Variants in CNBD2 observed in about 807,000 individuals in gnomAD.
The protein encoded by CNBD2 is cyclic nucleotide-binding domain-containing protein 2.
A neutral mutation model predicts 63.7 loss-of-function variants in CNBD2; 64 were observed. That is an observed-to-expected ratio of 1.00 (90% CI 0.82 to 1.24). CNBD2 has a LOEUF of 1.24. Among genes scored for constraint, CNBD2 ranks in the 50% most tolerant of loss-of-function variants. The pLI is 0.00. For missense variants in CNBD2, 691 were observed against 713.5 expected, an observed-to-expected ratio of 0.97 and a Z score of 0.36; for synonymous variants, 229 against 255.4, an observed-to-expected ratio of 0.90 and a Z score of 0.99.
intron 10 of CNBD2, among the ~76,000 whole-genome samples, chr20:36,018,907 T>C (rs2057170767): frequency 6.6e-6 from 1 of 152,214 alleles, no homozygotes; most frequent in South Asian, 2.1e-4. Flanking sequence ...AGGAGATTCA[T>C]CTGGGTGAGC....
chr20:35,997,359 A>G (rs991274716), intron 8 of CNBD2, among the ~76,000 whole-genome samples: 1 of 152,134 alleles, frequency 6.6e-6, no homozygotes, highest in African/African-American at 2.4e-5. Flanking sequence ...GGTGGCGAGG[A>G]GAAGGGCGGA....
chr20:35,995,443 AATTT>A (rs1323938109), intron 8 of CNBD2, among the ~76,000 whole-genome samples: 2 of 151,808 alleles, frequency 1.3e-5, no homozygotes, highest in African/African-American at 4.8e-5. Flanking sequence ...TGCTTTTTAA[AATTT>A]ATTTATTTAT....
chr20:36,003,803 G>A lies in CNBD2; in HGVS notation c.971-4494G>A, dbSNP rs111650620. ...CCTCTTATGAACCAGCTACTTGGGA[G>A]GCTGAGGCAGGAGGATCATTTGAGT... On this transcript the variant is annotated intron_variant, in intron 8 of 11. Transcript: ENST00000373973. Among the ~76,000 whole-genome samples, 156 of 151,950 alleles carry A rather than the reference G, an allele frequency of 1.0e-3. 1 individual carries two copies. Among genetic ancestry groups the A allele is most frequent in the Non-Finnish European group, 2.0e-3 (138 of 68,002 alleles).
At chr20:36,000,430 G>A (rs2056880461) in intron 8 of CNBD2, among the ~76,000 whole-genome samples, 1 of 152,134 alleles carries the variant, frequency 6.6e-6, no homozygotes, top group Non-Finnish European at 1.5e-5. Context: ...AGGCTGGAGT[G>A]CAATAGTGTA....
At chr20:35,985,651 AACTTTTTTGTATTT>A (rs2056657856) in intron 6 of CNBD2, among the ~76,000 whole-genome samples, 1 of 151,660 alleles carries the variant, frequency 6.6e-6, no homozygotes, top group Non-Finnish European at 1.5e-5. Flanking sequence ...ACTCCCAGCT[AACTTTTTTGTATTT>A]TTAGTAGAGA....
At chr20:35,962,191 G>C (rs1341551599) in intron 2 of CNBD2, among the ~76,000 whole-genome samples, 1 of 151,988 alleles carries the variant, frequency 6.6e-6, no homozygotes, top group Non-Finnish European at 1.5e-5. Flanking sequence ...ACCCAGAAAG[G>C]CTGGGAAGTT....
chr20:36,023,690 G>A lies in CNBD2; in HGVS notation c.1358G>A (p.Arg453Lys), dbSNP rs745604728. 2 of 1,613,680 alleles carry A rather than the reference G, an allele frequency of 1.2e-6. No individual in the cohort carries two copies. Among genetic ancestry groups the A allele is most frequent in the East Asian group, 4.5e-5 (2 of 44,874 alleles). The change falls in exon 11 of 12, where the codon AGG becomes AAG. Residue 453 changes from arginine (R) to lysine (K), a missense_variant. By Grantham distance (26) the Arg-to-Lys change is conservative (BLOSUM62 2). Transcript: ENST00000373973. ...CTGGGAAATGAGTTGATACGGATAAGGAAGGAAATATTTTATGAACTGATT... is the reference window on the plus strand; with the variant it reads ...CTGGGAAATGAGTTGATACGGATAAAGAAGGAAATATTTTATGAACTGATT... The part of the protein sequence containing the change: ...MSLGNELIRI[R>K]KEIFYELIDN...
chr20:35,954,562 C>G (rs767349930), upstream of CNBD2: 1 of 1,480,354 alleles, frequency 6.8e-7, no homozygotes, highest in Non-Finnish European at 9.1e-7. Context: ...GCGGCGCCCT[C>G]TAGCGTTCTC....
At chr20:35,978,351 T>C (rs2056549565) in intron 3 of CNBD2, among the ~76,000 whole-genome samples, 1 of 151,186 alleles carries the variant, frequency 6.6e-6, no homozygotes, top group South Asian at 2.1e-4. Flanking sequence ...CTAATTTTTT[T>C]TTTTTTTTTT....
Position 35,980,475 on chromosome 20 carries a change from A to G in CNBD2, c.260A>G (p.Lys87Arg). 1 of 1,614,140 alleles carries G rather than the reference A, an allele frequency of 6.2e-7. No individual in the cohort carries two copies. Among genetic ancestry groups the G allele is most frequent in the East Asian group, 2.2e-5 (1 of 44,880 alleles). The part of the protein sequence containing the change: ...FIAEEGHFPP[K>R]AIQIMQKKPS... ...TCTCCCCAGGGTCACTTTCCTCCAAAGGCCATTCAGATCATGCAGAAGAAG... is the reference window on the plus strand; with the variant it reads ...TCTCCCCAGGGTCACTTTCCTCCAAGGGCCATTCAGATCATGCAGAAGAAG... The change falls in exon 4 of 12, where the codon AAG becomes AGG. Residue 87 changes from lysine (K) to arginine (R), a missense_variant. Physicochemically the swap from Lys to Arg is conservative, Grantham distance 26 (BLOSUM62 2). Coordinates refer to ENST00000373973, the MANE Select transcript of CNBD2 (RefSeq NM_001365709.1).
intron 8 of CNBD2, among the ~76,000 whole-genome samples, chr20:36,004,312 A>C (rs1421438815): frequency 6.6e-6 from 1 of 152,008 alleles, no homozygotes; most frequent in Non-Finnish European, 1.5e-5. Context: ...CTCTCTGCAG[A>C]TCTTTGGAGT....
chr20:35,954,886 G>T lies in CNBD2; in HGVS notation c.*103G>T, dbSNP rs567139292. The T allele has an allele frequency of 4.3e-5, 12 of 279,926 alleles. No individual in the cohort carries two copies. The East Asian group carries it at 1.5e-3, about 35-fold the overall frequency. The allele number at this position is 279,926 out of a possible 1,614,324, so 17.3% of individuals were successfully genotyped here. A position where few individuals can be genotyped will look rare whatever the true frequency, so the allele number is the denominator to read the frequency against. Reference sequence around the variant, plus strand: ...AGTGGCGCCCGGCCGGTGGTGACCCGAACAGGAGAGCGGGACGGCGACCAT... The same window carrying T: ...AGTGGCGCCCGGCCGGTGGTGACCCTAACAGGAGAGCGGGACGGCGACCAT... On this transcript the variant is annotated 3_prime_UTR_variant, in exon 1 of 1. Coordinates refer to the CNBD2 transcript ENST00000614708.
At chr20:35,994,605 C>T (rs1430500831) in intron 7 of CNBD2, among the ~76,000 whole-genome samples, 2 of 150,128 alleles carry the variant, frequency 1.3e-5, no homozygotes, top group African/African-American at 2.5e-5. Context: ...AAAAAAGCAC[C>T]AGGCTGGGCG....
intron 4 of CNBD2, among the ~76,000 whole-genome samples, chr20:35,982,837 C>T (rs1188485801): frequency 6.6e-6 from 1 of 151,930 alleles, no homozygotes; most frequent in South Asian, 2.1e-4. Context: ...CTCAGCCTTA[C>T]AGGCAGCTGG....
At chr20:35,976,860 GA>G (rs2056527115) in intron 3 of CNBD2, among the ~76,000 whole-genome samples, 1 of 152,154 alleles carries the variant, frequency 6.6e-6, no homozygotes. Context: ...AGTGGAAGGG[GA>G]AAGAAAAGAA....
chr20:35,976,731 T>G (rs917294469), intron 3 of CNBD2, among the ~76,000 whole-genome samples: 1 of 152,170 alleles, frequency 6.6e-6, no homozygotes, highest in African/African-American at 2.4e-5. Context: ...TATTAAATAT[T>G]AAAATCCAAT....
chr20:35,998,327 C>T (rs983191679), intron 8 of CNBD2, among the ~76,000 whole-genome samples: 3 of 151,984 alleles, frequency 2.0e-5, no homozygotes, highest in Non-Finnish European at 4.4e-5. Flanking sequence ...AGGCGTGAGC[C>T]ACCACGCCTG....
chr20:36,009,443 C>T lies in CNBD2; in HGVS notation c.1148+969C>T, dbSNP rs2057029015. ...GGTCTCGGTCTCCTGACCTCGTGAT[C>T]CGCCCACCTCGGCCTCCCAAAGTGC... On this transcript the variant is annotated intron_variant, in intron 9 of 11. Transcript: ENST00000373973. 2.0e-5 allele frequency among the ~76,000 whole-genome samples: 3 copies of T among 151,852 alleles called. No homozygotes were observed. In the South Asian group the frequency reaches 6.2e-4, roughly 32 times the overall value.
upstream of CNBD2, chr20:35,954,603 G>C: frequency 7.2e-7 from 1 of 1,383,294 alleles, no homozygotes; most frequent in Non-Finnish European, 9.6e-7. Flanking sequence ...TGCCCTCGCG[G>C]TGCGGGAGGG....
Sources: gnomAD v4.1 joint callset for allele counts (sites outside exome capture counted in the v4.1 genomes callset) on GRCh38, gnomAD v4.1.1 for gene constraint, MANE v1.5 for transcripts, NCBI Gene and HGNC (gene_info 2026-07-23, HGNC 2026-07-21) for gene names.